GNL1: variants seen among roughly 807,000 people sequenced by gnomAD.
The protein encoded by GNL1 is guanine nucleotide-binding protein-like 1.
In GNL1, 21 loss-of-function variants were observed where a neutral mutation model predicts 75.2. The observed-to-expected ratio is 0.28, with a 90% CI of 0.20 to 0.40. The LOEUF is 0.40. Ranked by LOEUF, GNL1 falls within the 10% of genes least tolerant of loss-of-function variation. GNL1 has a pLI of 1.00. For synonymous variants in GNL1, 287 were observed against 303.4 expected, an observed-to-expected ratio of 0.95 and a Z score of 0.56; for missense variants, 579 against 775.0, an observed-to-expected ratio of 0.75 and a Z score of 3.00.
At chr6:30,550,902 G>C (rs1799738121) in intron 8 of GNL1, among the ~76,000 whole-genome samples, 1 of 152,026 alleles carries the variant, frequency 6.6e-6, no homozygotes, top group Non-Finnish European at 1.5e-5. Flanking sequence ...TCATCATCCA[G>C]TTCTCTCCTC....
In GNL1 at chr6:30,555,604, T is replaced by G; in HGVS notation, c.190A>C (p.Asn64His). 6.2e-7 allele frequency: 1 copy of G among 1,614,052 alleles called. No homozygotes were observed. Among genetic ancestry groups the G allele is most frequent in the Non-Finnish European group, 8.5e-7 (1 of 1,179,994 alleles). ...ESVTHHIRRL[N>H]QQPSQGLGPR... Reference sequence around the variant, plus strand: ...CCCAGCCCCTGAGAAGGCTGCTGGTTAAGCCTGCGGATATGATGGGTCACA... The same window carrying G: ...CCCAGCCCCTGAGAAGGCTGCTGGTGAAGCCTGCGGATATGATGGGTCACA... Residue 64 changes from asparagine to histidine, a missense_variant, in exon 2 of 12, where the codon AAC (asparagine) becomes CAC (histidine). Physicochemically the swap from Asn to His is moderately conservative, Grantham distance 68 (BLOSUM62 1). Coordinates refer to ENST00000376621, the MANE Select transcript of GNL1 (RefSeq NM_005275.5). The surrounding 1 kb of genome is among the most constrained non-coding windows in gnomAD (Gnocchi z 4.3).
At position 30,547,003 on chromosome 6, in the gene GNL1, T is replaced by C. The variant is rs1354075121; in HGVS notation, c.1441+109A>G. 2.0e-5 allele frequency: 23 copies of C among 1,158,642 alleles called. No homozygotes were observed. Among genetic ancestry groups the C allele is most frequent in the Admixed American group, 1.8e-4 (10 of 57,010 alleles). The allele number at this position is 1,158,642 out of a possible 1,614,324, so 71.8% of individuals were successfully genotyped here. Reference sequence around the variant, plus strand: ...GGTGAGTGGACAGCAGCTTCATCAATGGCAGAATCTCTGAGGAGAGGAAAG... The same window carrying C: ...GGTGAGTGGACAGCAGCTTCATCAACGGCAGAATCTCTGAGGAGAGGAAAG... On this transcript the variant is annotated intron_variant, in intron 10 of 11. Transcript: ENST00000376621. The surrounding 1 kb of genome is among the most constrained non-coding windows in gnomAD (Gnocchi z 5.5).
intron 8 of GNL1, among the ~76,000 whole-genome samples, chr6:30,549,863 A>C (rs1799667857): frequency 7.5e-6 from 1 of 134,200 alleles, no homozygotes. Flanking sequence ...TTGCTCTGTC[A>C]CCCAGGCTGG....
rs750707910 is a variant in GNL1, at chr6:30,555,777, C to T, written c.74-57G>A. 2 of 1,557,194 alleles carry T rather than the reference C, an allele frequency of 1.3e-6. No individual in the cohort carries two copies. The highest frequency in any genetic ancestry group is 1.1e-5 in the South Asian group (1 of 88,006). ...GCCAGCTCTCAGGGGCCATAAGACC[C>T]TCTCCCCCATCGGCCTGACTCCCTT... On this transcript the variant is annotated intron_variant, in intron 1 of 11. Coordinates refer to ENST00000376621, the MANE Select transcript of GNL1 (RefSeq NM_005275.5). The surrounding 1 kb of genome is among the most constrained non-coding windows in gnomAD (Gnocchi z 4.3).
In GNL1 at chr6:30,545,943, C is replaced by T. The variant is rs1799419882; in HGVS notation, c.*129G>A. 2.9e-6 allele frequency: 2 copies of T among 697,814 alleles called. No individual in the cohort carries two copies. The highest frequency in any genetic ancestry group is 4.9e-6 in the Non-Finnish European group (2 of 404,278). The allele number at this position is 697,814 out of a possible 1,614,324, so 43.2% of individuals were successfully genotyped here. On this transcript the variant is annotated 3_prime_UTR_variant, in exon 12 of 12. Coordinates refer to ENST00000376621, the MANE Select transcript of GNL1 (RefSeq NM_005275.5). ...TAGCCTGGAACAGCCGCTCTCACCT[C>T]AGTTCATCTGGGGAAGGGGCTACAA...
At position 30,556,236 on chromosome 6, in the gene GNL1, C is replaced by A. The variant is rs779393645; in HGVS notation, c.-33G>T. ...ACCAGTCACCTGGCCCGCCCTCCGC[C>A]GAGCTCCCGCCGCCTCAACTGACTG... On this transcript the variant is annotated 5_prime_UTR_variant, in exon 1 of 12. Coordinates refer to ENST00000376621, the MANE Select transcript of GNL1 (RefSeq NM_005275.5). The surrounding 1 kb of genome is among the most constrained non-coding windows in gnomAD (Gnocchi z 5.7). The A allele has an allele frequency of 2.1e-5, 34 of 1,598,228 alleles. No individual in the cohort carries two copies. Among genetic ancestry groups the A allele is most frequent in the Non-Finnish European group, 8.5e-7 (1 of 1,179,038 alleles).
chr6:30,555,734 C>A lies in GNL1; in HGVS notation c.74-14G>T. On this transcript the variant is annotated splice_polypyrimidine_tract_variant and intron_variant, in intron 1 of 11. Transcript: ENST00000376621. The surrounding 1 kb of genome is among the most constrained non-coding windows in gnomAD (Gnocchi z 4.3). ...CATCTTGAAGCCCTGCGGGGAGGGG[C>A]CGGTGACGCCAGTGCTGGCCAGCTC... is the stretch of plus-strand genomic sequence containing the variant. 6.2e-7 allele frequency: 1 copy of A among 1,612,322 alleles called. No homozygotes were observed. The highest frequency in any genetic ancestry group is 8.5e-7 in the Non-Finnish European group (1 of 1,179,358).
At chr6:30,549,116 A>G (rs1053812451) in intron 8 of GNL1, among the ~76,000 whole-genome samples, 1 of 151,884 alleles carries the variant, frequency 6.6e-6, no homozygotes, top group Admixed American at 6.6e-5. Context: ...TCGTGCCTCA[A>G]CCTCCTGAGT....
At chr6:30,550,479 G>A (rs969455259) in intron 8 of GNL1, among the ~76,000 whole-genome samples, 13 of 151,920 alleles carry the variant, frequency 8.6e-5, no homozygotes, top group African/African-American at 1.9e-4. Context: ...TCATGCTTCC[G>A]GCCCTGTCTC....
rs1799304726 is a variant in GNL1 at position 30,543,825 on chromosome 6, A to G, written c.*2247T>C. The G allele has an allele frequency of 6.6e-6, 1 of 152,176 alleles. No individual in the cohort carries two copies. The highest frequency in any genetic ancestry group is 2.4e-5 in the African/African-American group (1 of 41,432). The allele number at this position is 152,176 out of a possible 1,614,324, so 9.4% of individuals were successfully genotyped here. ...GAAGCAGGACTATAATCCCATCTGG[A>G]AAAAGGGAAACTTGGAAGTTGACAT... On this transcript the variant is annotated 3_prime_UTR_variant, in exon 12 of 12. Coordinates refer to ENST00000376621, the MANE Select transcript of GNL1 (RefSeq NM_005275.5).
chr6:30,543,280 G>T lies in GNL1; in HGVS notation c.*2792C>A, dbSNP rs1442877104. 6.6e-6 allele frequency: 1 copy of T among 152,050 alleles called. No homozygotes were observed. Among genetic ancestry groups the T allele is most frequent in the African/African-American group, 2.4e-5 (1 of 41,364 alleles). 9.4% of individuals were successfully genotyped at this position (152,050 alleles called of 1,614,324 possible). A position where few individuals can be genotyped will look rare whatever the true frequency, so the allele number is the denominator to read the frequency against. ...ACTCCTTCCTGATCAGTATCCCAAT[G>T]TCCCTCCTATATGGAGCCACCACTA... is the stretch of plus-strand genomic sequence containing the variant. On this transcript the variant is annotated 3_prime_UTR_variant, in exon 12 of 12. Coordinates refer to ENST00000376621, the MANE Select transcript of GNL1 (RefSeq NM_005275.5).
Position 30,556,450 on chromosome 6 carries a change from G to C in GNL1, c.-247C>G, listed in dbSNP as rs979068544. ...TGCGGGGTGGGCTACTGGCACGTGA[G>C]AGCCAGTGGCACCGAGAGGGCGCCC... On this transcript the variant is annotated 5_prime_UTR_variant, in exon 1 of 12. Transcript: ENST00000376621. This position sits in a 1 kb window ranked among gnomAD's most constrained non-coding sequence, Gnocchi z 5.7. The C allele has an allele frequency of 3.5e-6, 2 of 577,396 alleles. No homozygotes were observed. The highest frequency in any genetic ancestry group is 6.2e-6 in the Non-Finnish European group (2 of 325,162). 35.8% of individuals were successfully genotyped at this position (577,396 alleles called of 1,614,324 possible).
In GNL1 at chr6:30,546,002, G is replaced by A. The variant is rs561804425; in HGVS notation, c.*70C>T. ...ATCTTTATTCACAATTGGGGTGGCA[G>A]AGGGGAGATACCCCCAGGTCAGTCC... On this transcript the variant is annotated 3_prime_UTR_variant, in exon 12 of 12. Transcript: ENST00000376621. The surrounding 1 kb of genome is among the most constrained non-coding windows in gnomAD (Gnocchi z 5.1). 8.3e-5 allele frequency: 89 copies of A among 1,074,472 alleles called. 1 individual carries two copies. The South Asian group carries it at 1.1e-3, about 13-fold the overall frequency. The allele number at this position is 1,074,472 out of a possible 1,614,324, so 66.6% of individuals were successfully genotyped here. A position where few individuals can be genotyped will look rare whatever the true frequency, so the allele number is the denominator to read the frequency against.
In GNL1 at chr6:30,548,433, T is replaced by G. The variant is rs1379566700; in HGVS notation, c.1100-903A>C. Among the ~76,000 whole-genome samples the G allele has an allele frequency of 6.6e-6, 1 of 152,154 alleles. No individual in the cohort carries two copies. The highest frequency in any genetic ancestry group is 1.5e-5 in the Non-Finnish European group (1 of 68,022). On this transcript the variant is annotated intron_variant, in intron 8 of 11. Transcript: ENST00000376621. The surrounding 1 kb of genome is among the most constrained non-coding windows in gnomAD (Gnocchi z 4.2). The stretch of plus-strand genomic sequence containing the variant: ...CCTCTCTGCCCTGACAACTCATCTT[T>G]CCAGCTCACTTACTCTGGTTACTCC...
chr6:30,550,162 A>G (rs778213930), intron 8 of GNL1, among the ~76,000 whole-genome samples: 3 of 152,074 alleles, frequency 2.0e-5, no homozygotes, highest in Non-Finnish European at 4.4e-5. Context: ...ATATCCATCA[A>G]TGGTTCCCCA....
At position 30,552,419 on chromosome 6, in the gene GNL1, C is replaced by G. The variant is rs545909929; in HGVS notation, c.1099+48G>C. ...CCTCTCTCTTCTCCGAATATGAAAA[C>G]TCTGTACCTCCTTGGAGGCCACCAC... On this transcript the variant is annotated intron_variant, in intron 8 of 11. Transcript: ENST00000376621. This position sits in a 1 kb window ranked among gnomAD's most constrained non-coding sequence, Gnocchi z 4.5. 1.3e-6 allele frequency: 2 copies of G among 1,495,198 alleles called. No homozygotes were observed. Among genetic ancestry groups the G allele is most frequent in the South Asian group, 1.2e-5 (1 of 83,648 alleles). 92.6% of individuals were successfully genotyped at this position (1,495,198 alleles called of 1,614,324 possible).
At position 30,554,884 on chromosome 6, in the gene GNL1, G is replaced by C; in HGVS notation, c.408C>G (p.Ser136Arg). ...TTAGTTGCTCCTTGGACATCTCATAGCTCCAAGGAGGACGTCGAGGAAAGT... is the reference window on the plus strand; with the variant it reads ...TTAGTTGCTCCTTGGACATCTCATACCTCCAAGGAGGACGTCGAGGAAAGT... ...VLDFPRRPPW[S>R]YEMSKEQLMS... Residue 136 changes from serine (S) to arginine (R), a missense_variant, in exon 4 of 12, where the codon AGC becomes AGG. Physicochemically the swap from Ser to Arg is moderately radical, Grantham distance 110. Coordinates refer to ENST00000376621, the MANE Select transcript of GNL1 (RefSeq NM_005275.5). The C allele has an allele frequency of 6.2e-7, 1 of 1,612,298 alleles. No individual in the cohort carries two copies.
Position 30,552,429 on chromosome 6 carries a change from C to A in GNL1, c.1099+38G>T. ...CTCCGAATATGAAAACTCTGTACCT[C>A]CTTGGAGGCCACCACGCACAAGCTG... On this transcript the variant is annotated intron_variant, in intron 8 of 11. Coordinates refer to ENST00000376621, the MANE Select transcript of GNL1 (RefSeq NM_005275.5). The surrounding 1 kb of genome is among the most constrained non-coding windows in gnomAD (Gnocchi z 4.5). The A allele has an allele frequency of 6.4e-7, 1 of 1,554,286 alleles. No individual in the cohort carries two copies. Among genetic ancestry groups the A allele is most frequent in the South Asian group, 1.2e-5 (1 of 86,748 alleles).
At chr6:30,554,010 T>C (rs369933887) in intron 5 of GNL1, among the ~76,000 whole-genome samples, 2 of 152,252 alleles carry the variant, frequency 1.3e-5, no homozygotes, top group African/African-American at 4.8e-5. Flanking sequence ...CCTGTGTATA[T>C]TGATGTGCAC....
Sources: gnomAD v4.1 joint callset for allele counts (sites outside exome capture counted in the v4.1 genomes callset) on GRCh38, gnomAD v4.1.1 for gene constraint, Gnocchi (gnomAD v3.1) non-coding constraint, MANE v1.5 for transcripts, NCBI Gene and HGNC (gene_info 2026-07-23, HGNC 2026-07-21) for gene names.